PIK3CB: variants seen among roughly 807,000 people sequenced by gnomAD.
PIK3CB encodes the protein phosphatidylinositol 4,5-bisphosphate 3-kinase catalytic subunit beta isoform.
Under a neutral mutation model 136.8 loss-of-function variants are expected in PIK3CB, and 39 were observed. That is an observed-to-expected ratio of 0.29 (90% CI 0.22 to 0.37). The LOEUF (loss-of-function observed/expected upper bound fraction) is 0.37. PIK3CB is among the 10% of genes least tolerant of loss of function. The pLI is 1.00. For missense variants in PIK3CB, 868 were observed against 1,275.4 expected, an observed-to-expected ratio of 0.68 and a Z score of 4.87; for synonymous variants, 428 against 436.6, an observed-to-expected ratio of 0.98 and a Z score of 0.25.
At chr3:138,676,948 T>C (rs981190548) in intron 19 of PIK3CB, among the ~76,000 whole-genome samples, 2 of 152,168 alleles carry the variant, frequency 1.3e-5, no homozygotes, top group Admixed American at 6.5e-5. Flanking sequence ...AGAAAATGCA[T>C]ATAACCACTG....
In PIK3CB at chr3:138,655,334, T is replaced by C. The variant is rs1260899290; in HGVS notation, c.*55A>G. The C allele has an allele frequency of 1.3e-6, 2 of 1,569,122 alleles. No individual in the cohort carries two copies. The highest frequency in any genetic ancestry group is 1.4e-5 in the African/African-American group (1 of 73,800). ...AGGGTCATGTTCAATTTAGTGCAAG[T>C]GCAAAATGAAAATGAAATGAAACCA... On this transcript the variant is annotated 3_prime_UTR_variant, in exon 24 of 24. Coordinates refer to ENST00000674063, the MANE Select transcript of PIK3CB (RefSeq NM_006219.3).
rs780416905 is a variant in PIK3CB, at chr3:138,759,173, C to T, written c.171G>A (p.Gln57=). ...ATAGAAATTATACCTATTAACATAC[C>T]TGCTTAATATAAGAAATGGTAGCTT... is the stretch of plus-strand genomic sequence containing the variant. ...PREATISYIK[Q]MLWKQVHNYP... Residue 57 remains glutamine, a splice_region_variant and synonymous_variant, in exon 3 of 24, where the codon CAG becomes CAA. Transcript: ENST00000674063. 3.1e-6 allele frequency: 5 copies of T among 1,595,286 alleles called. No homozygotes were observed. The South Asian group carries it at 3.3e-5, about 11-fold the overall frequency.
chr3:138,662,731 A>G (rs1384536916), intron 21 of PIK3CB, among the ~76,000 whole-genome samples: 20 of 151,502 alleles, frequency 1.3e-4, no homozygotes, highest in Admixed American at 3.3e-4. Flanking sequence ...CCCACCAACA[A>G]TGTAAAAGTG....
At chr3:138,724,514 G>A (rs1015127727) in intron 8 of PIK3CB, among the ~76,000 whole-genome samples, 1 of 152,110 alleles carries the variant, frequency 6.6e-6, no homozygotes, top group Non-Finnish European at 1.5e-5. Flanking sequence ...GTCGGTCTCT[G>A]TCCTCCCTCC....
chr3:138,726,683 T>C (rs1310687548), intron 8 of PIK3CB, among the ~76,000 whole-genome samples: 1 of 152,152 alleles, frequency 6.6e-6, no homozygotes, highest in African/African-American at 2.4e-5. Context: ...CTTCTAGACT[T>C]TAGGCAACAC....
At chr3:138,703,361 G>C (rs2044293015) in intron 12 of PIK3CB, among the ~76,000 whole-genome samples, 2 of 152,136 alleles carry the variant, frequency 1.3e-5, no homozygotes, top group Admixed American at 1.3e-4. Flanking sequence ...GTGAGAATGG[G>C]AAAAACATAC....
chr3:138,682,115 C>G (rs2043795045), intron 18 of PIK3CB, 70 bp from the exon 19 acceptor site: 1 of 879,324 alleles, frequency 1.1e-6, no homozygotes, highest in African/African-American at 1.7e-5. Context: ...TAATTCAAGA[C>G]TAACTCAGAA....
intron 13 of PIK3CB, among the ~76,000 whole-genome samples, chr3:138,697,706 TG>T (rs1438239544): frequency 3.6e-4 from 54 of 152,030 alleles, no homozygotes; most frequent in Non-Finnish European, 5.4e-4. Flanking sequence ...CCTCCCAAAG[TG>T]CTGGGATTAC....
chr3:138,653,824 G>C lies in PIK3CB; in HGVS notation c.*1565C>G. 1 of 198,566 alleles carries C rather than the reference G, an allele frequency of 5.0e-6. No homozygotes were observed. The highest frequency in any genetic ancestry group is 1.0e-5 in the Non-Finnish European group (1 of 95,942). The allele number at this position is 198,566 out of a possible 1,614,324, so 12.3% of individuals were successfully genotyped here. A position where few individuals can be genotyped will look rare whatever the true frequency, so the allele number is the denominator to read the frequency against. On this transcript the variant is annotated 3_prime_UTR_variant, in exon 24 of 24. Transcript: ENST00000674063. ...CCCATATGCATGGCTCCTTACCTCA[G>C]GCTCCCACCAAAGTCCAGGGGGCCT...
intron 16 of PIK3CB, among the ~76,000 whole-genome samples, chr3:138,688,284 G>A (rs888380515): frequency 4.0e-5 from 6 of 151,844 alleles, no homozygotes; most frequent in East Asian, 1.9e-4. Context: ...GGCGGATCAC[G>A]AGGTCAGGAG....
chr3:138,808,821 A>C (rs2046262376), intron 1 of PIK3CB, among the ~76,000 whole-genome samples: 1 of 151,620 alleles, frequency 6.6e-6, no homozygotes, highest in African/African-American at 2.4e-5. Flanking sequence ...TTATATGTGA[A>C]TATATTAGAC....
chr3:138,684,753 A>T lies in PIK3CB; in HGVS notation c.2187T>A (p.Asn729Lys). The change falls in exon 17 of 24, where the codon AAT (asparagine) becomes AAA (lysine). Residue 729 changes from asparagine (N) to lysine (K), a missense_variant. By Grantham distance (94) the Asn-to-Lys change is moderately conservative. This residue lies in a region of PIK3CB where 165 missense variants were observed against 295.4 expected (regional missense o/e 0.56). Coordinates refer to ENST00000674063, the MANE Select transcript of PIK3CB (RefSeq NM_006219.3). ...CTTTGGCTCTGTTTAACTTCACGGC[A>T]TTCAGTTTGATTAAACTATTTAAAG... Reference protein sequence around the residue: ...LKTLNSLIKLNAVKLNRAKGK... With the variant: ...LKTLNSLIKLKAVKLNRAKGK... 6.2e-7 allele frequency: 1 copy of T among 1,614,012 alleles called. No individual in the cohort carries two copies. The highest frequency in any genetic ancestry group is 1.1e-5 in the South Asian group (1 of 91,074).
intron 13 of PIK3CB, 71 bp downstream of exon 13, chr3:138,698,836 A>T: frequency 1.1e-6 from 1 of 884,592 alleles, no homozygotes; most frequent in Non-Finnish European, 1.7e-6. Flanking sequence ...CCTATGAGAA[A>T]AGGATACTTT....
At chr3:138,745,471 A>G (rs1451467271) in intron 4 of PIK3CB, among the ~76,000 whole-genome samples, 1 of 152,096 alleles carries the variant, frequency 6.6e-6, no homozygotes, top group Non-Finnish European at 1.5e-5. Context: ...CATCTCTATT[A>G]AAAACACAAA....
rs138684890 is a variant in PIK3CB, at chr3:138,733,803, G to A, written c.973-365C>T. ...TGAGGCAGGAGAATGACATGAACCC[G>A]GGAGGCGGAGCTTGCAGTGAGCCAA... On this transcript the variant is annotated intron_variant, in intron 7 of 23. Coordinates refer to ENST00000674063, the MANE Select transcript of PIK3CB (RefSeq NM_006219.3). Among the ~76,000 whole-genome samples the A allele has an allele frequency of 7.1e-3, 1,085 of 152,182 alleles. 13 individuals are homozygous for A. Among genetic ancestry groups the A allele is most frequent in the African/African-American group, 0.025 (1,030 of 41,522 alleles).
Position 138,654,943 on chromosome 3 carries a change from G to A in PIK3CB, c.*446C>T. The A allele has an allele frequency of 9.1e-6, 2 of 219,590 alleles. No homozygotes were observed. Among genetic ancestry groups the A allele is most frequent in the Non-Finnish European group, 1.8e-5 (2 of 109,566 alleles). The allele number at this position is 219,590 out of a possible 1,614,324, so 13.6% of individuals were successfully genotyped here. Reference sequence around the variant, plus strand: ...CAGTTTACACAATTTTAAAAGGGAAGAAAGATGCCTTTCTTTTTAGCTTCA... The same window carrying A: ...CAGTTTACACAATTTTAAAAGGGAAAAAAGATGCCTTTCTTTTTAGCTTCA... On this transcript the variant is annotated 3_prime_UTR_variant, in exon 24 of 24. Transcript: ENST00000674063.
At chr3:138,720,957 A>C (rs2044713364) in intron 8 of PIK3CB, among the ~76,000 whole-genome samples, 1 of 152,210 alleles carries the variant, frequency 6.6e-6, no homozygotes, top group Non-Finnish European at 1.5e-5. Flanking sequence ...TTTACTGCTC[A>C]AAATTTCTAT....
In PIK3CB at chr3:138,736,792, G is replaced by T. The variant is rs545639388; in HGVS notation, c.801+915C>A. Among the ~76,000 whole-genome samples the T allele has an allele frequency of 7.8e-4, 118 of 152,228 alleles. 1 individual carries two copies. The highest frequency in any genetic ancestry group is 2.7e-3 in the African/African-American group (114 of 41,542). On this transcript the variant is annotated intron_variant, in intron 6 of 23. Transcript: ENST00000674063. ...TGATTAATAAAGGCTTTTGAGAATG[G>T]TCAAACCTAATGCCTGCAAAATTCT... is the stretch of plus-strand genomic sequence containing the variant.
At chr3:138,685,420 A>AAAAAAAG (rs2043866681) in intron 16 of PIK3CB, among the ~76,000 whole-genome samples, 2 of 86,926 alleles carry the variant, frequency 2.3e-5, no homozygotes, top group Admixed American at 1.8e-4. Flanking sequence ...AAAAAAAAAA[A>AAAAAAAG]AAAGAAAGAA....
Sources: allele counts gnomAD v4.1 joint callset (sites outside exome capture counted in the v4.1 genomes callset), GRCh38; gene constraint gnomAD v4.1.1; regional missense constraint gnomAD v4.1.1; transcripts MANE v1.5; gene names NCBI Gene and HGNC (gene_info 2026-07-23, HGNC 2026-07-21).